PTPRG: variants seen among roughly 807,000 people sequenced by gnomAD.
The protein encoded by PTPRG is receptor-type tyrosine-protein phosphatase gamma.
A neutral mutation model predicts 165.3 loss-of-function variants in PTPRG; 102 were observed. The ratio of observed to expected loss-of-function variants is 0.62; its 90% CI spans 0.53 to 0.73. The LOEUF (loss-of-function observed/expected upper bound fraction) is 0.73. Among genes scored for constraint, PTPRG ranks in the 30% least tolerant of loss-of-function variants. The pLI, the probability that PTPRG is intolerant of heterozygous loss-of-function variation, is 0.00. For missense variants in PTPRG, 1,866 were observed against 1,861.4 expected (o/e 1.00, Z -0.05); for synonymous variants, 675 against 669.5 (o/e 1.01, Z -0.13).
In PTPRG at chr3:61,939,032, A is replaced by T. The variant is rs535376353; in HGVS notation, c.191-50593A>T. Among the ~76,000 whole-genome samples, 7 of 152,184 alleles carry T rather than the reference A, an allele frequency of 4.6e-5. No individual in the cohort carries two copies. The South Asian group carries it at 8.3e-4, about 18-fold the overall frequency. ...AGTTCAGCATAAATCTGTGATTTCC[A>T]TTATAATACGTTTAAATTACTGCAG... is the stretch of plus-strand genomic sequence containing the variant. On this transcript the variant is annotated intron_variant, in intron 2 of 29. Coordinates refer to ENST00000474889, the MANE Select transcript of PTPRG (RefSeq NM_002841.4).
intron 6 of PTPRG, among the ~76,000 whole-genome samples, chr3:62,146,642 A>G (rs1704134115): frequency 6.6e-6 from 1 of 151,884 alleles, no homozygotes; most frequent in Admixed American, 6.6e-5. Context: ...AAAAAAAAAA[A>G]AAAATACGCC....
chr3:62,124,954 C>G (rs1484347957), intron 5 of PTPRG, among the ~76,000 whole-genome samples: 1 of 152,054 alleles, frequency 6.6e-6, no homozygotes, highest in Non-Finnish European at 1.5e-5. Flanking sequence ...ACATAAGGGT[C>G]TGAATACCTG....
rs530205791 is a variant in PTPRG, at chr3:61,960,256, C to T, written c.191-29369C>T. ...GGTGCTTGGTATCCAGTAGGAGCCCCGTAAATGTCTCTTTAATGTGCAACT... is the reference window on the plus strand; with the variant it reads ...GGTGCTTGGTATCCAGTAGGAGCCCTGTAAATGTCTCTTTAATGTGCAACT... On this transcript the variant is annotated intron_variant, in intron 2 of 29. Transcript: ENST00000474889. 2.1e-3 allele frequency among the ~76,000 whole-genome samples: 318 copies of T among 151,850 alleles called. 1 individual carries two copies. Among genetic ancestry groups the T allele is most frequent in the South Asian group, 0.018 (85 of 4,780 alleles).
intron 2 of PTPRG, among the ~76,000 whole-genome samples, chr3:61,954,699 A>T (rs2039994221): frequency 6.6e-6 from 1 of 152,288 alleles, no homozygotes; most frequent in East Asian, 1.9e-4. Context: ...TCCCTTGCAA[A>T]ACCGCATACT....
chr3:62,293,241 C>CA lies in PTPRG; in HGVS notation c.4277dup (p.Asn1426LysfsTer9). On this transcript the variant is annotated frameshift_variant, in exon 30 of 30. Transcript: ENST00000474889. LOFTEE classifies it high-confidence loss of function. Reference sequence around the variant, plus strand: ...ATGGAAATGGTCCCATGACAGTAGACAAAAATGGTGCTGTTCTTATTGCAG... The same window carrying CA: ...ATGGAAATGGTCCCATGACAGTAGACAAAAAATGGTGCTGTTCTTATTGCAG... 6.2e-7 allele frequency: 1 copy of CA among 1,611,902 alleles called. No individual in the cohort carries two copies. The highest frequency in any genetic ancestry group is 8.5e-7 in the Non-Finnish European group (1 of 1,179,176).
At chr3:62,174,277 C>A (rs1705330363) in intron 8 of PTPRG, among the ~76,000 whole-genome samples, 1 of 152,212 alleles carries the variant, frequency 6.6e-6, no homozygotes, top group African/African-American at 2.4e-5. Context: ...CCTGTTCAAA[C>A]CGCAGTGGAA....
chr3:62,025,682 A>T (rs549983111), intron 4 of PTPRG, among the ~76,000 whole-genome samples: 1 of 152,316 alleles, frequency 6.6e-6, no homozygotes, highest in South Asian at 2.1e-4. Context: ...GCCAAGCTTC[A>T]GAACAATTCT....
intron 28 of PTPRG, among the ~76,000 whole-genome samples, chr3:62,287,829 T>G (rs1254545341): frequency 1.3e-5 from 2 of 152,134 alleles, no homozygotes; most frequent in Non-Finnish European, 2.9e-5. Flanking sequence ...CTAGAGTCTC[T>G]TCAAACACAA....
At chr3:61,644,971 G>T (rs1323300955) in intron 1 of PTPRG, among the ~76,000 whole-genome samples, 1 of 152,182 alleles carries the variant, frequency 6.6e-6, no homozygotes, top group Non-Finnish European at 1.5e-5. Context: ...TGCTTGGTTT[G>T]CTTTGTCTTT....
intron 2 of PTPRG, among the ~76,000 whole-genome samples, chr3:61,971,942 T>G (rs2040394692): frequency 6.6e-6 from 1 of 152,240 alleles, no homozygotes; most frequent in Non-Finnish European, 1.5e-5. Flanking sequence ...TATTGACCCA[T>G]GTGTATGCAG....
chr3:62,205,367 G>T (rs1358371711), intron 12 of PTPRG, among the ~76,000 whole-genome samples: 1 of 152,190 alleles, frequency 6.6e-6, no homozygotes, highest in Non-Finnish European at 1.5e-5. Context: ...TGTACGGAAT[G>T]CCCACTGTAT....
intron 1 of PTPRG, among the ~76,000 whole-genome samples, chr3:61,613,722 A>G (rs1701235205): frequency 6.6e-6 from 1 of 152,092 alleles, no homozygotes; most frequent in African/African-American, 2.4e-5. Flanking sequence ...ACCATGATCC[A>G]TTATTAGGTT....
intron 2 of PTPRG, among the ~76,000 whole-genome samples, chr3:61,812,713 A>G (rs1575684191): frequency 6.6e-6 from 1 of 152,332 alleles, no homozygotes; most frequent in South Asian, 2.1e-4. Context: ...GTGTGCCCCG[A>G]GGGCTCCTCA....
At chr3:62,059,345 G>T (rs537068129) in intron 4 of PTPRG, among the ~76,000 whole-genome samples, 5 of 152,258 alleles carry the variant, frequency 3.3e-5, no homozygotes, top group African/African-American at 1.2e-4. Context: ...CTTGAAAACA[G>T]CTCTAAAGCT....
intron 1 of PTPRG, among the ~76,000 whole-genome samples, chr3:61,625,399 A>G (rs1167245760): frequency 6.6e-6 from 1 of 152,156 alleles, no homozygotes; most frequent in African/African-American, 2.4e-5. Context: ...ATGACTTTTA[A>G]CTTTCATCTC....
At chr3:61,735,333 CA>C (rs1214619885) in intron 1 of PTPRG, among the ~76,000 whole-genome samples, 1 of 152,096 alleles carries the variant, frequency 6.6e-6, no homozygotes, top group East Asian at 1.9e-4. Flanking sequence ...TCAAGCAAAG[CA>C]AAATGCAAGA....
chr3:62,233,451 C>A lies in PTPRG; in HGVS notation c.2375+2140C>A. Reference sequence around the variant, plus strand: ...TAAAAGGGCTTTGAAAGACAGGGTGCCCCCTACCTCTGTCAGGCTTCTGCA... The same window carrying A: ...TAAAAGGGCTTTGAAAGACAGGGTGACCCCTACCTCTGTCAGGCTTCTGCA... On this transcript the variant is annotated intron_variant, in intron 14 of 29. Transcript: ENST00000474889. This position sits in a 1 kb window ranked among gnomAD's most constrained non-coding sequence, Gnocchi z 4.7. Among the ~76,000 whole-genome samples the A allele has an allele frequency of 6.6e-6, 1 of 152,114 alleles. No individual in the cohort carries two copies. Among genetic ancestry groups the A allele is most frequent in the Non-Finnish European group, 1.5e-5 (1 of 68,014 alleles).
At chr3:61,969,550 A>G (rs113817117) in intron 2 of PTPRG, among the ~76,000 whole-genome samples, 62 of 152,290 alleles carry the variant, frequency 4.1e-4, no homozygotes, top group Middle Eastern at 6.8e-3. Flanking sequence ...CTTCAAGGGC[A>G]AGAGGGATAG....
At chr3:62,046,256 C>T (rs910111090) in intron 4 of PTPRG, among the ~76,000 whole-genome samples, 1 of 108,792 alleles carries the variant, frequency 9.2e-6, no homozygotes, top group Non-Finnish European at 2.3e-5. Context: ...TTCATTTCCC[C>T]CAGAGCGTAT....
Sources: gnomAD v4.1 joint callset for allele counts (sites outside exome capture counted in the v4.1 genomes callset) on GRCh38, gnomAD v4.1.1 for gene constraint, Gnocchi (gnomAD v3.1) non-coding constraint, MANE v1.5 for transcripts, NCBI Gene and HGNC (gene_info 2026-07-23, HGNC 2026-07-21) for gene names.